Variants in PTPN20 observed in about 807,000 individuals in gnomAD.
PTPN20 encodes protein tyrosine phosphatase non-receptor type 20.
In PTPN20, 9 loss-of-function variants were observed where a neutral mutation model predicts 35.0. The observed-to-expected ratio is 0.26, with a 90% confidence interval of 0.15 to 0.45. PTPN20 has a LOEUF of 0.45. Among genes scored for constraint, PTPN20 ranks in the 20% least tolerant of loss-of-function variants. The pLI, the probability that PTPN20 is intolerant of heterozygous loss-of-function variation, is 1.00. For missense variants in PTPN20, 111 were observed against 312.5 expected, an observed-to-expected ratio of 0.36 and a Z score of 4.86; for synonymous variants, 32 against 100.2, an observed-to-expected ratio of 0.32 and a Z score of 4.06.
intron 5 of PTPN20, among the ~76,000 whole-genome samples, chr10:46,959,691 G>A (rs2049373550): frequency 8.3e-6 from 1 of 120,646 alleles, no homozygotes; most frequent in Non-Finnish European, 1.7e-5. Context: ...GGTTACCATG[G>A]GCATTATATT....
chr10:46,999,816 T>G, intron 9 of PTPN20, 96 bp from the exon 10 acceptor site: 1 of 1,418,244 alleles, frequency 7.1e-7, no homozygotes, highest in Non-Finnish European at 9.9e-7. Flanking sequence ...ATCTTTCTGA[T>G]TAAATCTTGA....
At position 46,977,005 on chromosome 10, in the gene PTPN20, T is replaced by C. The variant is rs1206875238; in HGVS notation, c.584-7225T>C. 2.6e-5 allele frequency among the ~76,000 whole-genome samples: 4 copies of C among 152,300 alleles called. No individual in the cohort carries two copies. The East Asian group carries it at 5.8e-4, about 22-fold the overall frequency. ...ATGTGTCAACTAGGCTAGGCTATGA[T>C]ACTCAGCTATTTGGTCAAATATTAG... On this transcript the variant is annotated intron_variant, in intron 7 of 10. Transcript: ENST00000374339.
intron 6 of PTPN20, 125 bp from the exon 7 acceptor site, chr10:46,967,832 G>GT: frequency 4.2e-6 from 1 of 236,754 alleles, no homozygotes; most frequent in South Asian, 1.2e-4. Flanking sequence ...TAAATAGCAG[G>GT]TCATGTCATA....
chr10:47,000,301 G>C (rs1194524713), intron 10 of PTPN20, among the ~76,000 whole-genome samples: 3 of 152,118 alleles, frequency 2.0e-5, no homozygotes, highest in Admixed American at 1.3e-4. Context: ...AACATTTCTG[G>C]ATAGCAGTTT....
At chr10:46,946,698 GTA>G in intron 5 of PTPN20, 23 bp downstream of exon 5, 2 of 1,551,330 alleles carry the variant, frequency 1.3e-6, no homozygotes, top group South Asian at 2.3e-5. Flanking sequence ...CCTATTTGTA[GTA>G]GCAAGTTGAG....
intron 1 of PTPN20, among the ~76,000 whole-genome samples, chr10:46,926,538 T>C (rs1390070397): frequency 2.0e-5 from 3 of 151,096 alleles, no homozygotes; most frequent in African/African-American, 7.4e-5. Context: ...TCCTAGGAAG[T>C]GGAAGGCAGG....
intron 5 of PTPN20, among the ~76,000 whole-genome samples, chr10:46,948,622 G>T (rs1226634194): frequency 6.6e-6 from 1 of 151,186 alleles, no homozygotes; most frequent in Admixed American, 6.6e-5. Context: ...CAGCTGGGGT[G>T]CTAAGGAGTT....
At position 46,999,928 on chromosome 10, in the gene PTPN20, T is replaced by C. The variant is rs1555184122; in HGVS notation, c.1151T>C (p.Ile384Thr). 2 of 1,613,780 alleles carry C rather than the reference T, an allele frequency of 1.2e-6. No homozygotes were observed. The highest frequency in any genetic ancestry group is 3.3e-4 in the Middle Eastern group (2 of 6,056). ...TTATTACAGTTCAACATCATGGATA[T>C]AGTGGCCCAAATGAGAGAACAACGT... ...VKNCSFNIMDIVAQMREQRSG... is the reference protein window; with the variant it reads ...VKNCSFNIMDTVAQMREQRSG... Residue 384 changes from isoleucine (I) to threonine (T), a missense_variant, in exon 10 of 11, where the codon ATA becomes ACA. Ile to Thr is a moderately conservative substitution (Grantham distance 89, BLOSUM62 -1). Transcript: ENST00000374339.
intron 2 of PTPN20, among the ~76,000 whole-genome samples, chr10:46,937,803 TATTG>T (rs1261699308): frequency 2.6e-5 from 4 of 151,944 alleles, no homozygotes; most frequent in South Asian, 4.1e-4. Context: ...AGTACATTTC[TATTG>T]ATTGATTGAT....
chr10:46,986,456 GT>G (rs1565605740), intron 8 of PTPN20, among the ~76,000 whole-genome samples: 1 of 147,916 alleles, frequency 6.8e-6, no homozygotes, highest in Non-Finnish European at 1.5e-5. Flanking sequence ...CATAGGAGAA[GT>G]GAGAAACTCA....
chr10:46,994,846 A>G (rs1030338639), intron 9 of PTPN20, among the ~76,000 whole-genome samples: 5 of 152,134 alleles, frequency 3.3e-5, no homozygotes, highest in Non-Finnish European at 7.4e-5. Context: ...ATTTTCAAGT[A>G]GCCGGTTTTC....
At chr10:46,988,958 C>T (rs1257216778) in intron 9 of PTPN20, among the ~76,000 whole-genome samples, 1 of 141,526 alleles carries the variant, frequency 7.1e-6, no homozygotes, top group African/African-American at 2.6e-5. Flanking sequence ...GACTTTGTAT[C>T]CTGCAACTGT....
intron 7 of PTPN20, among the ~76,000 whole-genome samples, chr10:46,982,825 G>A (rs1267202740): frequency 1.3e-5 from 2 of 152,060 alleles, no homozygotes; most frequent in Non-Finnish European, 2.9e-5. Context: ...ACATAAATAT[G>A]ATGAAAGATC....
chr10:46,940,848 T>C (rs2043248488), intron 3 of PTPN20, 131 bp downstream of exon 3: 1 of 1,075,898 alleles, frequency 9.3e-7, no homozygotes, highest in Non-Finnish European at 1.4e-6. Context: ...ACTGTAGTGT[T>C]GACAGTGACC....
At chr10:46,977,179 AG>A (rs1223745049) in intron 7 of PTPN20, among the ~76,000 whole-genome samples, 5 of 152,270 alleles carry the variant, frequency 3.3e-5, no homozygotes, top group Non-Finnish European at 7.3e-5. Context: ...AAATTTCCAG[AG>A]GAAGAAGGAA....
At chr10:46,925,823 A>AT (rs2037150834) in intron 1 of PTPN20, among the ~76,000 whole-genome samples, 1 of 151,720 alleles carries the variant, frequency 6.6e-6, no homozygotes, top group Non-Finnish European at 1.5e-5. Context: ...AAAGATCCAT[A>AT]TTGCCCATAG....
intron 2 of PTPN20, among the ~76,000 whole-genome samples, chr10:46,935,720 A>G (rs1358867038): frequency 6.6e-6 from 1 of 151,580 alleles, no homozygotes; most frequent in African/African-American, 2.4e-5. Flanking sequence ...ACAGGCATGT[A>G]GGTTGATTCC....
chr10:46,952,592 G>A (rs1191432911), intron 5 of PTPN20, among the ~76,000 whole-genome samples: 6 of 132,324 alleles, frequency 4.5e-5, no homozygotes, highest in Admixed American at 2.2e-4. Flanking sequence ...GATCACTGCC[G>A]TCTTACACCT....
intron 9 of PTPN20, among the ~76,000 whole-genome samples, chr10:46,993,790 T>C (rs1024901586): frequency 9.2e-5 from 14 of 152,238 alleles, no homozygotes; most frequent in African/African-American, 3.4e-4. Context: ...GAGTTTATCT[T>C]TCAGCTTCAT....
Sources: gnomAD v4.1 joint callset for allele counts (sites outside exome capture counted in the v4.1 genomes callset) on GRCh38, gnomAD v4.1.1 for gene constraint, MANE v1.5 for transcripts, NCBI Gene and HGNC (gene_info 2026-07-23, HGNC 2026-07-21) for gene names.